Variants in ANKS1B observed in about 807,000 individuals in gnomAD.
ANKS1B encodes ankyrin repeat and sterile alpha motif domain containing 1B, also known as ankyrin repeat and sterile alpha motif domain-containing protein 1B.
ANKS1B carries 36 observed loss-of-function variants against 148.3 expected under a neutral mutation model. That is an observed-to-expected ratio of 0.24 (90% confidence interval 0.19 to 0.32). ANKS1B has a LOEUF of 0.32. Ranked by LOEUF, ANKS1B falls within the 10% of genes least tolerant of loss-of-function variation. ANKS1B has a pLI of 1.00. For synonymous variants in ANKS1B, 542 were observed against 560.8 expected (o/e 0.97, Z 0.47); for missense variants, 1,157 against 1,542.6 (o/e 0.75, Z 4.19).
chr12:99,460,510 T>A lies in ANKS1B; in HGVS notation c.1439-16701A>T, dbSNP rs149519746. The stretch of plus-strand genomic sequence containing the variant: ...AGAGTGGGAGAAAATCTTCACAATC[T>A]ACACATCCAACAAAAGCTACAAGGA... On this transcript the variant is annotated intron_variant, in intron 10 of 26. Coordinates refer to ENST00000683438, the MANE Select transcript of ANKS1B (RefSeq NM_001352186.2). Among the ~76,000 whole-genome samples, 879 of 151,956 alleles carry A rather than the reference T, an allele frequency of 5.8e-3. 8 individuals carry two copies. Among genetic ancestry groups the A allele is most frequent in the African/African-American group, 0.02 (823 of 41,498 alleles).
chr12:98,859,700 G>A (rs559252817), intron 17 of ANKS1B, among the ~76,000 whole-genome samples: 5 of 152,230 alleles, frequency 3.3e-5, no homozygotes, highest in East Asian at 3.8e-4. Flanking sequence ...CATTTAAATC[G>A]ATACAGCCCA....
intron 11 of ANKS1B, among the ~76,000 whole-genome samples, chr12:99,424,784 C>T (rs1252747308): frequency 2.0e-5 from 3 of 151,820 alleles, no homozygotes; most frequent in African/African-American, 7.3e-5. Flanking sequence ...ATATTTGAAT[C>T]CTTGTGGATG....
At chr12:99,731,648 A>G (rs945898001) in intron 8 of ANKS1B, among the ~76,000 whole-genome samples, 2 of 152,146 alleles carry the variant, frequency 1.3e-5, no homozygotes, top group African/African-American at 4.8e-5. Context: ...TCCTTATACC[A>G]TATGCAAAAT....
At chr12:99,083,059 T>C (rs939804365) in intron 16 of ANKS1B, among the ~76,000 whole-genome samples, 2 of 152,190 alleles carry the variant, frequency 1.3e-5, no homozygotes, top group Admixed American at 6.5e-5. Flanking sequence ...GTTTTATTCT[T>C]TTCCATTTAG....
At chr12:99,564,675 C>T (rs1186908492) in intron 9 of ANKS1B, among the ~76,000 whole-genome samples, 1 of 152,078 alleles carries the variant, frequency 6.6e-6, no homozygotes, top group Non-Finnish European at 1.5e-5. Flanking sequence ...ACTAACATCC[C>T]TTACAAGACT....
intron 15 of ANKS1B, among the ~76,000 whole-genome samples, chr12:99,116,465 G>A (rs1175146941): frequency 2.0e-5 from 3 of 152,020 alleles, no homozygotes; most frequent in Admixed American, 2.0e-4. Flanking sequence ...GTACATATAA[G>A]GCATCTAGTG....
chr12:99,317,106 C>A (rs1485066141), intron 12 of ANKS1B, among the ~76,000 whole-genome samples: 1 of 152,108 alleles, frequency 6.6e-6, no homozygotes. Flanking sequence ...TAGCGTGATG[C>A]CTCCAGGTTT....
At chr12:99,616,722 T>C (rs769158728) in intron 9 of ANKS1B, among the ~76,000 whole-genome samples, 5 of 152,122 alleles carry the variant, frequency 3.3e-5, no homozygotes, top group Non-Finnish European at 7.3e-5. Context: ...ATTCAGGACA[T>C]AGACATGGGC....
At chr12:99,629,651 C>T (rs569693831) in intron 9 of ANKS1B, among the ~76,000 whole-genome samples, 32 of 152,070 alleles carry the variant, frequency 2.1e-4, no homozygotes, top group Non-Finnish European at 4.4e-4. Context: ...TTTGTTAAAG[C>T]TGGGACTTTA....
At chr12:98,980,602 G>T (rs2099908474) in intron 17 of ANKS1B, among the ~76,000 whole-genome samples, 1 of 152,100 alleles carries the variant, frequency 6.6e-6, no homozygotes. Flanking sequence ...CTCATAATAT[G>T]TCACATTTTC....
chr12:99,121,806 A>G (rs2062975406), intron 15 of ANKS1B, among the ~76,000 whole-genome samples: 1 of 152,186 alleles, frequency 6.6e-6, no homozygotes, highest in Non-Finnish European at 1.5e-5. Flanking sequence ...AACTCAATGA[A>G]CCACAAAGCC....
intron 12 of ANKS1B, among the ~76,000 whole-genome samples, chr12:99,294,317 T>C (rs2080509067): frequency 6.6e-6 from 1 of 152,228 alleles, no homozygotes; most frequent in South Asian, 2.1e-4. Context: ...ATGTGGTATA[T>C]ACACATAATG....
chr12:99,620,517 A>G (rs2098034205), intron 9 of ANKS1B, among the ~76,000 whole-genome samples: 1 of 152,240 alleles, frequency 6.6e-6, no homozygotes, highest in Admixed American at 6.5e-5. Flanking sequence ...GGAATAGATA[A>G]ACATCTTTAA....
At chr12:99,797,032 G>C (rs962482489) in intron 4 of ANKS1B, among the ~76,000 whole-genome samples, 2 of 151,886 alleles carry the variant, frequency 1.3e-5, no homozygotes, top group African/African-American at 4.8e-5. Context: ...CAAATGGAAT[G>C]GATTGGTCTC....
intron 16 of ANKS1B, among the ~76,000 whole-genome samples, chr12:99,054,904 C>T (rs1273416194): frequency 6.6e-6 from 1 of 152,210 alleles, no homozygotes; most frequent in Non-Finnish European, 1.5e-5. Flanking sequence ...AGAGTCTGAA[C>T]TTGGTCAGAC....
chr12:99,544,402 G>T (rs1277541506), intron 9 of ANKS1B, among the ~76,000 whole-genome samples: 2 of 152,206 alleles, frequency 1.3e-5, no homozygotes, highest in Middle Eastern at 6.8e-3. Context: ...CCGGACTCTG[G>T]TTCCTATGCT....
chr12:99,805,263 CAAAAAAAAAAAA>C (rs58248573), intron 4 of ANKS1B, among the ~76,000 whole-genome samples: 1 of 28,908 alleles, frequency 3.5e-5, no homozygotes, highest in Non-Finnish European at 5.8e-5. Flanking sequence ...GAGGAAAAGG[CAAAAAAAAAAAA>C]AAAAAAAAAA....
At chr12:99,884,488 C>T (rs187270626) in intron 1 of ANKS1B, among the ~76,000 whole-genome samples, 13 of 152,270 alleles carry the variant, frequency 8.5e-5, no homozygotes, top group Middle Eastern at 3.4e-3. Context: ...ATAAAAAATG[C>T]ATATGTCCTT....
rs181757786 is a variant in ANKS1B at position 99,078,934 on chromosome 12, C to T, written c.2625+5991G>A. On this transcript the variant is annotated intron_variant, in intron 16 of 26. Transcript: ENST00000683438. Reference sequence around the variant, plus strand: ...TTCCATCTTGCTAGCACTTTCTTGTCTTCTCACTTGCTTGTTCTGTTGAAG... The same window carrying T: ...TTCCATCTTGCTAGCACTTTCTTGTTTTCTCACTTGCTTGTTCTGTTGAAG... 4.6e-5 allele frequency among the ~76,000 whole-genome samples: 7 copies of T among 152,298 alleles called. No individual in the cohort carries two copies. In the East Asian group the frequency reaches 1.3e-3, roughly 29 times the overall value.
Sources: allele counts gnomAD v4.1 joint callset (sites outside exome capture counted in the v4.1 genomes callset), GRCh38; gene constraint gnomAD v4.1.1; transcripts MANE v1.5; gene names NCBI Gene and HGNC (gene_info 2026-07-23, HGNC 2026-07-21).